The following ARMC3 variants were observed in gnomAD, a reference collection of about 807,000 sequenced individuals.
ARMC3 encodes armadillo repeat-containing protein 3.
A neutral mutation model predicts 90.3 loss-of-function variants in ARMC3; 74 were observed. That is an observed-to-expected ratio of 0.82 (90% CI 0.68 to 0.99). The LOEUF (loss-of-function observed/expected upper bound fraction) is 0.99. Ranked by LOEUF, ARMC3 falls within the 50% of genes least tolerant of loss-of-function variation. The probability of loss-of-function intolerance (pLI) is 0.00; values close to 1 mark genes in which losing one functional copy is unlikely to be tolerated. For synonymous variants in ARMC3, 334 were observed against 361.8 expected (o/e 0.92, Z 0.87); for missense variants, 958 against 1,042.8 (o/e 0.92, Z 1.12).
At chr10:23,010,462 C>T (rs185854191) in intron 16 of ARMC3, among the ~76,000 whole-genome samples, 32 of 3,332 alleles carry the variant, frequency 9.6e-3, no homozygotes, top group Non-Finnish European at 0.019. Flanking sequence ...TTCCCTCCTC[C>T]CTCCTTCCTT....
chr10:22,981,796 G>A, intron 10 of ARMC3, 96 bp downstream of exon 10: 1 of 1,052,304 alleles, frequency 9.5e-7, no homozygotes, highest in Non-Finnish European at 1.4e-6. Context: ...GATAGTCTAT[G>A]AATTTCTTCA....
intron 8 of ARMC3, among the ~76,000 whole-genome samples, chr10:22,969,128 A>G (rs1446102435): frequency 2.6e-5 from 4 of 152,242 alleles, no homozygotes; most frequent in African/African-American, 9.6e-5. Context: ...AATGATATCT[A>G]TAAAGTAATT....
chr10:23,009,236 A>G (rs1837801836), intron 16 of ARMC3, among the ~76,000 whole-genome samples: 2 of 152,214 alleles, frequency 1.3e-5, no homozygotes, highest in South Asian at 2.1e-4. Context: ...GTCCTTTGAA[A>G]GCCCAACCCT....
chr10:22,944,992 T>G (rs1834469845), intron 2 of ARMC3, among the ~76,000 whole-genome samples: 1 of 152,190 alleles, frequency 6.6e-6, no homozygotes, highest in African/African-American at 2.4e-5. Context: ...GCTTCTAGTA[T>G]AGTGGGAGCC....
At chr10:23,008,538 A>G (rs1363940602) in intron 15 of ARMC3, among the ~76,000 whole-genome samples, 164 bp downstream of exon 15, 8 of 152,228 alleles carry the variant, frequency 5.3e-5, no homozygotes, top group African/African-American at 1.9e-4. Context: ...TCTCTGGAAT[A>G]GGAGCCAGGA....
chr10:22,952,100 G>A (rs1272812203), intron 3 of ARMC3, among the ~76,000 whole-genome samples: 1 of 151,934 alleles, frequency 6.6e-6, no homozygotes, highest in Admixed American at 6.6e-5. Flanking sequence ...ACTCCAGCCT[G>A]GCGACAGAGT....
rs763763777 is a variant in ARMC3, at chr10:22,959,128, C to T, written c.351C>T (p.Leu117=). 3.5e-5 allele frequency: 56 copies of T among 1,612,836 alleles called. No homozygotes were observed. Among genetic ancestry groups the T allele is most frequent in the East Asian group, 6.7e-5 (3 of 44,884 alleles). The change falls in exon 5 of 19, where the codon CTC becomes CTT. Residue 117 remains leucine, a synonymous_variant. Transcript: ENST00000298032. ...LDVMNSVIAQ[L]APEEEVVIHE... is the part of the protein sequence containing the mutation. ...TCATGAATTCTGTCATTGCCCAGCT[C>T]GCTCCAGAAGGTAACTTTGCATTCT...
chr10:22,988,956 T>C (rs181458508), intron 10 of ARMC3, among the ~76,000 whole-genome samples: 4 of 152,368 alleles, frequency 2.6e-5, no homozygotes, highest in Non-Finnish European at 5.9e-5. Flanking sequence ...AGGTTGCATT[T>C]AATATTGCTA....
chr10:22,986,048 G>T (rs1406221704), intron 10 of ARMC3, among the ~76,000 whole-genome samples: 3 of 148,824 alleles, frequency 2.0e-5, no homozygotes, highest in Non-Finnish European at 4.4e-5. Context: ...AACATAGCAT[G>T]TAACTCACCT....
chr10:22,980,546 T>G (rs1836141919), intron 8 of ARMC3, among the ~76,000 whole-genome samples: 3 of 152,032 alleles, frequency 2.0e-5, no homozygotes, highest in Admixed American at 2.0e-4. Flanking sequence ...AACAAAAAAT[T>G]ATTTTAATGT....
rs1426575128 is a variant in ARMC3 at position 23,033,002 on chromosome 10, C to T, written c.2388C>T (p.Tyr796=). The part of the protein sequence containing the change: ...PIGHVKKGIF[Y]HRALLFKALA... Reference sequence around the variant, plus strand: ...GACATGTCAAAAAAGGAATCTTCTACCATCGAGCTTTGCTTTTCAAGGTGT... The same window carrying T: ...GACATGTCAAAAAAGGAATCTTCTATCATCGAGCTTTGCTTTTCAAGGTGT... Residue 796 remains tyrosine, a synonymous_variant, in exon 18 of 19, where the codon TAC becomes TAT. Coordinates refer to ENST00000298032, the MANE Select transcript of ARMC3 (RefSeq NM_173081.5). The T allele has an allele frequency of 6.2e-7, 1 of 1,612,606 alleles. No individual in the cohort carries two copies. The highest frequency in any genetic ancestry group is 1.1e-5 in the South Asian group (1 of 90,944).
At chr10:23,019,507 CTA>C (rs1307582129) in intron 16 of ARMC3, among the ~76,000 whole-genome samples, 1 of 152,064 alleles carries the variant, frequency 6.6e-6, no homozygotes, top group Non-Finnish European at 1.5e-5. Context: ...CTGGTATTTT[CTA>C]TTTGTTCTCT....
chr10:22,934,660 G>A (rs1238175304), intron 2 of ARMC3, among the ~76,000 whole-genome samples: 1 of 152,150 alleles, frequency 6.6e-6, no homozygotes, highest in Admixed American at 6.5e-5. Flanking sequence ...CTATGAACTT[G>A]GGTGAACTTT....
intron 10 of ARMC3, among the ~76,000 whole-genome samples, chr10:22,984,145 A>G (rs184499157): frequency 6.6e-5 from 10 of 152,346 alleles, no homozygotes; most frequent in Admixed American, 1.3e-4. Flanking sequence ...AAAAATGCAC[A>G]TAAGTGTTGC....
At position 23,010,858 on chromosome 10, in the gene ARMC3, CCCTTGCCTCTCCTCT is replaced by C. The variant is rs1460279054; in HGVS notation, c.2045+1932_2045+1946del. 8.6e-3 allele frequency among the ~76,000 whole-genome samples: 822 copies of C among 95,374 alleles called. 147 individuals carry two copies. Among genetic ancestry groups the C allele is most frequent in the East Asian group, 0.016 (49 of 3,150 alleles). The allele number at this position is 95,374 out of a possible 152,430, so 62.6% of individuals were successfully genotyped here. A position where few individuals can be genotyped will look rare whatever the true frequency, so the allele number is the denominator to read the frequency against. Reference sequence around the variant, plus strand: ...TCCTTCCCTTGCCTCTCCTCTCCTTCCCTTGCCTCTCCTCTCCTTCCCTTTCCCTCCCACTCCTTC... The same window carrying C: ...TCCTTCCCTTGCCTCTCCTCTCCTTCCCTTCCCTTTCCCTCCCACTCCTTC... On this transcript the variant is annotated intron_variant, in intron 16 of 18. Coordinates refer to ENST00000298032, the MANE Select transcript of ARMC3 (RefSeq NM_173081.5).
intron 10 of ARMC3, 129 bp downstream of exon 10, chr10:22,981,829 C>A: frequency 1.3e-6 from 1 of 748,798 alleles, no homozygotes; most frequent in Non-Finnish European, 2.1e-6. Flanking sequence ...TGGGGTTATT[C>A]TTCAGAATCC....
chr10:23,019,655 A>T (rs1838427446), intron 16 of ARMC3, among the ~76,000 whole-genome samples: 2 of 151,838 alleles, frequency 1.3e-5, no homozygotes, highest in African/African-American at 4.8e-5. Context: ...AACCTCCTGG[A>T]CTCAAGTGAT....
intron 13 of ARMC3, among the ~76,000 whole-genome samples, chr10:23,006,299 G>A (rs760710405): frequency 6.6e-6 from 1 of 152,222 alleles, no homozygotes; most frequent in African/African-American, 2.4e-5. Flanking sequence ...AGGAACCGTG[G>A]CAGTGTCCTG....
intron 8 of ARMC3, 55 bp from the exon 9 acceptor site, chr10:22,981,285 A>T: frequency 6.8e-7 from 1 of 1,473,110 alleles, no homozygotes; most frequent in South Asian, 1.3e-5. Flanking sequence ...AAGTAGTAAT[A>T]CTTCGCAGTT....
Sources: allele counts gnomAD v4.1 joint callset (sites outside exome capture counted in the v4.1 genomes callset), GRCh38; gene constraint gnomAD v4.1.1; transcripts MANE v1.5; gene names NCBI Gene and HGNC (gene_info 2026-07-23, HGNC 2026-07-21).